Variants in KIF1A observed in about 807,000 individuals in gnomAD.
KIF1A encodes the protein kinesin-like protein KIF1A.
KIF1A carries 46 observed loss-of-function variants against 227.3 expected under a neutral mutation model. The observed-to-expected ratio is 0.20, with a 90% CI of 0.16 to 0.26. KIF1A has a LOEUF of 0.26. Among genes scored for constraint, KIF1A ranks in the 10% least tolerant of loss-of-function variants. KIF1A has a pLI of 1.00. For synonymous variants in KIF1A, 1,022 were observed against 1,012.8 expected (o/e 1.01, Z -0.17); for missense variants, 1,683 against 2,485.9 (o/e 0.68, Z 6.87).
chr2:240,774,080 A>T, intron 12 of KIF1A, 103 bp downstream of exon 12: 1 of 691,254 alleles, frequency 1.4e-6, no homozygotes, highest in South Asian at 2.0e-5. Context: ...CCCCTCACAA[A>T]GAGTCGCCCC....
intron 38 of KIF1A, among the ~76,000 whole-genome samples, chr2:240,732,122 G>GA (rs2046741427): frequency 1.9e-5 from 1 of 52,618 alleles, no homozygotes; most frequent in African/African-American, 8.4e-5. Context: ...GGAGGGATGA[G>GA]GGGAGGGGAG....
chr2:240,717,813 G>C (rs2044739153), intron 48 of KIF1A, among the ~76,000 whole-genome samples: 1 of 152,224 alleles, frequency 6.6e-6, no homozygotes, highest in Non-Finnish European at 1.5e-5. Flanking sequence ...GGCAGGCCGC[G>C]CTGCCTTCCA....
intron 38 of KIF1A, among the ~76,000 whole-genome samples, chr2:240,727,682 C>T (rs984296280): frequency 1.3e-5 from 2 of 152,190 alleles, no homozygotes; most frequent in Non-Finnish European, 1.5e-5. Context: ...ATGAGCACGG[C>T]CTGAGCCAGC....
At chr2:240,797,292 G>A (rs144789516) in intron 2 of KIF1A, among the ~76,000 whole-genome samples, 56 of 152,314 alleles carry the variant, frequency 3.7e-4, no homozygotes, top group Non-Finnish European at 5.3e-4. Flanking sequence ...GCCACGTGAC[G>A]ACGGAGGCAG....
At chr2:240,802,420 AG>A (rs1488093888) in intron 1 of KIF1A, among the ~76,000 whole-genome samples, 1 of 152,246 alleles carries the variant, frequency 6.6e-6, no homozygotes, top group African/African-American at 2.4e-5. Flanking sequence ...CAAGTGGAAA[AG>A]AAAGAGTTAA....
At chr2:240,734,662 G>A (rs2047117769) in intron 38 of KIF1A, 4 of 1,265,752 alleles carry the variant, frequency 3.2e-6, no homozygotes, top group African/African-American at 3.1e-5. Flanking sequence ...GGAGGAGCAG[G>A]GAGGAAAGAA....
At chr2:240,810,726 C>T (rs1038332509) in intron 1 of KIF1A, among the ~76,000 whole-genome samples, 7 of 152,194 alleles carry the variant, frequency 4.6e-5, no homozygotes, top group Non-Finnish European at 7.3e-5. Context: ...TCCACAGACT[C>T]AGGGCAGACG....
At chr2:240,816,793 G>C (rs2058358537) in intron 1 of KIF1A, among the ~76,000 whole-genome samples, 1 of 152,218 alleles carries the variant, frequency 6.6e-6, no homozygotes, top group African/African-American at 2.4e-5. Flanking sequence ...CCTGCAGGAG[G>C]CCAAAGCTGG....
At position 240,758,786 on chromosome 2, in the gene KIF1A, G is replaced by A. The variant is rs935358419; in HGVS notation, c.2445-289C>T. The stretch of plus-strand genomic sequence containing the variant: ...AAGCAGTGAGGGGCTAGAGGGGCTG[G>A]CGGCACTGGGCTGCTGGAAAGCTGG... On this transcript the variant is annotated intron_variant, in intron 25 of 48. Transcript: ENST00000498729. This position sits in a 1 kb window ranked among gnomAD's most constrained non-coding sequence, Gnocchi z 5.2. 2.0e-5 allele frequency among the ~76,000 whole-genome samples: 3 copies of A among 152,196 alleles called. No individual in the cohort carries two copies. The East Asian group carries it at 5.8e-4, about 29-fold the overall frequency.
Position 240,763,035 on chromosome 2 carries a change from A to G in KIF1A, c.2006T>C (p.Leu669Pro). The change falls in exon 22 of 49, where the codon CTG becomes CCG. Residue 669 changes from leucine to proline, a missense_variant. Coordinates refer to ENST00000498729, the MANE Select transcript of KIF1A (RefSeq NM_001244008.2). ...RREREEATYLLEQQRLDYESK... is the reference protein window; with the variant it reads ...RREREEATYLPEQQRLDYESK... ...GTCACTCACCAGCCGCTGCTGCTCC[A>G]GCAGGTAGGTGGCCTCCTCCCGCTC... 1 of 1,520,526 alleles carries G rather than the reference A, an allele frequency of 6.6e-7. No homozygotes were observed. Among genetic ancestry groups the G allele is most frequent in the Non-Finnish European group, 8.8e-7 (1 of 1,136,044 alleles). The allele number at this position is 1,520,526 out of a possible 1,614,324, so 94.2% of individuals were successfully genotyped here.
intron 14 of KIF1A, chr2:240,771,346 T>C: frequency 5.2e-6 from 3 of 582,136 alleles, no homozygotes; most frequent in Non-Finnish European, 6.1e-6. Context: ...AAGGCCTTCC[T>C]GCCACCCCTT....
chr2:240,741,364 C>T lies in KIF1A; in HGVS notation c.3654G>A (p.Lys1218=). 1 of 1,577,366 alleles carries T rather than the reference C, an allele frequency of 6.3e-7. No homozygotes were observed. The change falls in exon 35 of 49, where the codon AAG becomes AAA. Residue 1218 remains lysine (K), a synonymous_variant. Transcript: ENST00000498729. The stretch of plus-strand genomic sequence containing the variant: ...GACAGGGCCGCGTCAGTGTGCTGAG[C>T]TTGGTGGCGGGCACTGTAGGGACAG... ...MPLSKPVPAT[K]LSTLTRPCPG... is the part of the protein sequence containing the mutation.
rs915967851 is a variant in KIF1A at position 240,778,931 on chromosome 2, G to A, written c.883-3005C>T. ...ACACACTTCCTCAGGCCATTCGCCC[G>A]TGTGCACCCCGTTCCTACACACAGC... On this transcript the variant is annotated intron_variant, in intron 10 of 48. Transcript: ENST00000498729. This position sits in a 1 kb window ranked among gnomAD's most constrained non-coding sequence, Gnocchi z 7.2. 3.3e-5 allele frequency among the ~76,000 whole-genome samples: 5 copies of A among 151,858 alleles called. No individual in the cohort carries two copies. The highest frequency in any genetic ancestry group is 1.3e-4 in the Admixed American group (2 of 15,258).
intron 17 of KIF1A, among the ~76,000 whole-genome samples, chr2:240,768,646 G>A (rs1475653088): frequency 6.6e-6 from 1 of 152,200 alleles, no homozygotes; most frequent in Non-Finnish European, 1.5e-5. Flanking sequence ...CTGCCCAGGG[G>A]TTCTGTGCCA....
chr2:240,817,991 G>T (rs2058449258), intron 1 of KIF1A, among the ~76,000 whole-genome samples: 1 of 152,214 alleles, frequency 6.6e-6, no homozygotes. Context: ...CCTGTTTGTG[G>T]CTGGCCGGCT....
Position 240,788,914 on chromosome 2 carries a change from G to C in KIF1A, c.183+322C>G, listed in dbSNP as rs555949024. Among the ~76,000 whole-genome samples, 1 of 152,248 alleles carries C rather than the reference G, an allele frequency of 6.6e-6. No homozygotes were observed. The highest frequency in any genetic ancestry group is 2.4e-5 in the African/African-American group (1 of 41,534). ...GGGTCTCCTGGGCTCCCAGCATGCA[G>C]GGCACAGCTTCCAGACAGGCTCAGG... On this transcript the variant is annotated intron_variant, in intron 3 of 48. Coordinates refer to ENST00000498729, the MANE Select transcript of KIF1A (RefSeq NM_001244008.2). The surrounding 1 kb of genome is among the most constrained non-coding windows in gnomAD (Gnocchi z 6.6).
Position 240,757,031 on chromosome 2 carries a change from G to A in KIF1A, c.2858+288C>T, listed in dbSNP as rs1167646548. Among the ~76,000 whole-genome samples the A allele has an allele frequency of 6.6e-6, 1 of 152,208 alleles. No homozygotes were observed. Among genetic ancestry groups the A allele is most frequent in the African/African-American group, 2.4e-5 (1 of 41,448 alleles). On this transcript the variant is annotated intron_variant, in intron 27 of 48. Coordinates refer to ENST00000498729, the MANE Select transcript of KIF1A (RefSeq NM_001244008.2). This position sits in a 1 kb window ranked among gnomAD's most constrained non-coding sequence, Gnocchi z 6.2. Reference sequence around the variant, plus strand: ...CTGCAGAAATAGTCCCACCTGCCTGGGGCCACAGCTGCAAGCTCCGGGGTG... The same window carrying A: ...CTGCAGAAATAGTCCCACCTGCCTGAGGCCACAGCTGCAAGCTCCGGGGTG...
At chr2:240,808,586 C>A (rs537793015) in intron 1 of KIF1A, among the ~76,000 whole-genome samples, 1 of 151,932 alleles carries the variant, frequency 6.6e-6, no homozygotes, top group South Asian at 2.1e-4. Context: ...GTAGGAGGAT[C>A]ACTTGAGCTC....
At position 240,719,915 on chromosome 2, in the gene KIF1A, G is replaced by A. The variant is rs763752868; in HGVS notation, c.4880C>T (p.Pro1627Leu). ...CTCTGGGCTGGCTGGCCGGGAGCAG[G>A]GCTGCGGGGTCCTGGGAAGCAGAGG... ...YGATDLRTPQ[P>L]CSRPASPEPE... The change falls in exon 46 of 49, where the codon CCC (proline) becomes CTC (leucine). Residue 1627 changes from proline (P) to leucine (L), a missense_variant. By Grantham distance (98) the Pro-to-Leu change is moderately conservative. Transcript: ENST00000498729. 5.0e-6 allele frequency: 8 copies of A among 1,609,266 alleles called. No homozygotes were observed. The highest frequency in any genetic ancestry group is 6.8e-6 in the Non-Finnish European group (8 of 1,178,784).
Sources: gnomAD v4.1 joint callset for allele counts (sites outside exome capture counted in the v4.1 genomes callset) on GRCh38, gnomAD v4.1.1 for gene constraint, Gnocchi (gnomAD v3.1) non-coding constraint, MANE v1.5 for transcripts, NCBI Gene and HGNC (gene_info 2026-07-23, HGNC 2026-07-21) for gene names.